Variants in KHDRBS2 observed in about 807,000 individuals in gnomAD.
KHDRBS2 encodes KH domain-containing, RNA-binding, signal transduction-associated protein 2.
KHDRBS2 carries 26 observed loss-of-function variants against 44.3 expected under a neutral mutation model. The observed-to-expected ratio is 0.59, with a 90% CI of 0.43 to 0.81. The LOEUF (loss-of-function observed/expected upper bound fraction) is 0.81, where lower values mean the gene tolerates loss of function less well. KHDRBS2 is among the 40% of genes least tolerant of loss of function. The probability of loss-of-function intolerance (pLI) is 0.00; values close to 1 mark genes in which losing one functional copy is unlikely to be tolerated. For missense variants in KHDRBS2, 476 were observed against 433.1 expected, an observed-to-expected ratio of 1.10 and a Z score of -0.88; for synonymous variants, 194 against 151.1, an observed-to-expected ratio of 1.28 and a Z score of -2.08.
At chr6:61,628,298 T>C in the KHDRBS2 span, among the ~76,000 whole-genome samples, 3 of 149,190 alleles carry the variant, frequency 2.0e-5, no homozygotes, top group Non-Finnish European at 3.0e-5. Context: ...TAATCTATTC[T>C]GTATTTCCCA....
At chr6:62,240,672 G>GTGTGTATATATATA (rs1252806819) in intron 1 of KHDRBS2, among the ~76,000 whole-genome samples, 1 of 64,164 alleles carries the variant, frequency 1.6e-5, no homozygotes, top group Non-Finnish European at 3.1e-5. Context: ...ATGTGTGTGT[G>GTGTGTATATATATA]TATATATATA....
At chr6:61,996,373 T>C (rs540519452) in intron 3 of KHDRBS2, among the ~76,000 whole-genome samples, 21 of 152,254 alleles carry the variant, frequency 1.4e-4, no homozygotes, top group African/African-American at 4.1e-4. Context: ...AAGAGACAAA[T>C]AGAAAAATAA....
At chr6:62,042,015 A>G (rs1355174559) in intron 3 of KHDRBS2, among the ~76,000 whole-genome samples, 1 of 152,094 alleles carries the variant, frequency 6.6e-6, no homozygotes, top group Admixed American at 6.6e-5. Context: ...AATCAAACCT[A>G]ATTAATTATT....
At chr6:61,682,067 G>T (rs1303224337) in intron 8 of KHDRBS2, among the ~76,000 whole-genome samples, 2 of 151,870 alleles carry the variant, frequency 1.3e-5, no homozygotes, top group Non-Finnish European at 2.9e-5. Context: ...TAAAAAAATG[G>T]AAATATTAAC....
intron 6 of KHDRBS2, among the ~76,000 whole-genome samples, chr6:61,772,744 C>A (rs182522253): frequency 6.6e-6 from 1 of 152,032 alleles, no homozygotes; most frequent in Non-Finnish European, 1.5e-5. Flanking sequence ...AACCCATTAA[C>A]TCATCATCTA....
chr6:61,883,314 G>A (rs182647185), intron 6 of KHDRBS2, among the ~76,000 whole-genome samples: 70 of 152,054 alleles, frequency 4.6e-4, no homozygotes, highest in Non-Finnish European at 5.3e-4. Flanking sequence ...TAAAGATCAC[G>A]GCATTTTTTA....
At chr6:61,606,392 A>G in the KHDRBS2 span, among the ~76,000 whole-genome samples, 1 of 152,192 alleles carries the variant, frequency 6.6e-6, no homozygotes, top group Admixed American at 6.5e-5. Context: ...TGAACGGGCC[A>G]AGGGAAATCT....
At chr6:61,687,707 A>G (rs1766974081) in intron 8 of KHDRBS2, among the ~76,000 whole-genome samples, 1 of 151,854 alleles carries the variant, frequency 6.6e-6, no homozygotes, top group Non-Finnish European at 1.5e-5. Context: ...CCATATTATA[A>G]CCTGGTTTCA....
chr6:62,035,745 A>G (rs936369621), intron 3 of KHDRBS2, among the ~76,000 whole-genome samples: 3 of 152,046 alleles, frequency 2.0e-5, no homozygotes, highest in Non-Finnish European at 2.9e-5. Context: ...GTATCAAAAC[A>G]TCTTATGTAC....
At chr6:62,093,856 T>TTG (rs61194705) in intron 2 of KHDRBS2, among the ~76,000 whole-genome samples, 10,656 of 143,102 alleles carry the variant, frequency 0.074, 554 homozygotes, top group Admixed American at 0.16. Flanking sequence ...TTCCATTGTT[T>TTG]TGTGTGTGTG....
intron 1 of KHDRBS2, among the ~76,000 whole-genome samples, chr6:62,181,186 T>C (rs190739600): frequency 1.4e-3 from 216 of 151,824 alleles, no homozygotes; most frequent in Admixed American, 3.6e-3. Context: ...AAAGCAAAAA[T>C]AGACAAGTGG....
At chr6:61,759,975 G>A (rs1302357632) in intron 6 of KHDRBS2, among the ~76,000 whole-genome samples, 2 of 152,044 alleles carry the variant, frequency 1.3e-5, no homozygotes, top group Non-Finnish European at 2.9e-5. Flanking sequence ...TTGATTTACT[G>A]TAAACAAATT....
At chr6:61,844,909 T>A (rs539501235) in intron 6 of KHDRBS2, among the ~76,000 whole-genome samples, 7 of 152,346 alleles carry the variant, frequency 4.6e-5, no homozygotes, top group African/African-American at 1.7e-4. Context: ...TCAGTTAATA[T>A]TCGCTGAATT....
At chr6:62,117,078 C>G (rs554217135) in intron 2 of KHDRBS2, among the ~76,000 whole-genome samples, 1 of 152,220 alleles carries the variant, frequency 6.6e-6, no homozygotes, top group East Asian at 1.9e-4. Flanking sequence ...GCAGATATCT[C>G]TTCAATATAC....
At chr6:61,616,843 G>C in the KHDRBS2 span, among the ~76,000 whole-genome samples, 1 of 152,084 alleles carries the variant, frequency 6.6e-6, no homozygotes, top group South Asian at 2.1e-4. Flanking sequence ...TGACTTCCCA[G>C]TCTAAGTGGA....
chr6:62,185,739 T>A (rs1201292472), intron 1 of KHDRBS2, among the ~76,000 whole-genome samples: 1 of 151,978 alleles, frequency 6.6e-6, no homozygotes, highest in Non-Finnish European at 1.5e-5. Flanking sequence ...ACTAAAATTC[T>A]GAAACTATCT....
intron 6 of KHDRBS2, among the ~76,000 whole-genome samples, chr6:61,757,389 C>T (rs954077676): frequency 9.9e-5 from 15 of 152,196 alleles, no homozygotes; most frequent in African/African-American, 1.9e-4. Context: ...ACATACTCCC[C>T]GTCAACTTAC....
chr6:61,667,802 G>C, the KHDRBS2 span, among the ~76,000 whole-genome samples: 1 of 151,144 alleles, frequency 6.6e-6, no homozygotes, highest in Admixed American at 6.6e-5. Context: ...TTATTTGCAG[G>C]GTGAAGTGTT....
At chr6:62,060,746 C>G (rs1193705230) in intron 2 of KHDRBS2, among the ~76,000 whole-genome samples, 1 of 151,548 alleles carries the variant, frequency 6.6e-6, no homozygotes, top group Non-Finnish European at 1.5e-5. Flanking sequence ...TGGCATTGCT[C>G]TATTGAAGAA....
Sources: allele counts gnomAD v4.1 joint callset (sites outside exome capture counted in the v4.1 genomes callset), GRCh38; gene constraint gnomAD v4.1.1; transcripts MANE v1.5; gene names NCBI Gene and HGNC (gene_info 2026-07-23, HGNC 2026-07-21).